Variants in ZNF28 observed in about 807,000 individuals in gnomAD.
The protein encoded by ZNF28 is zinc finger protein KOX24.
In ZNF28, 5 loss-of-function variants were observed where a neutral mutation model predicts 7.2. The observed-to-expected ratio is 0.70, with a 90% CI of 0.36 to 1.46. ZNF28 has a LOEUF of 1.46. Ranked by LOEUF, ZNF28 falls within the 40% of genes most tolerant of loss-of-function variation. The probability of loss-of-function intolerance (pLI) is 0.03; values close to 1 mark genes in which losing one functional copy is unlikely to be tolerated. For missense variants in ZNF28, 879 were observed against 866.6 expected (o/e 1.01, Z -0.18); for synonymous variants, 288 against 292.4 (o/e 0.99, Z 0.15).
chr19:52,810,839 G>T (rs4803001), intron 2 of ZNF28: 94,292 of 147,930 alleles, frequency 0.64, 33,349 homozygotes, highest in Middle Eastern at 0.76. Context: ...TAAAAAAAGA[G>T]TCCCTCTCCC....
In ZNF28 at chr19:52,810,459, A is replaced by G; in HGVS notation, c.16-2326T>C. On this transcript the variant is annotated intron_variant, in intron 2 of 3. Transcript: ENST00000457749. ...GTTTGCATATATAGAGTTCTCAAAG[A>G]GTCAGTGAGGACTTCCTTGGCCTTG... 4 of 1,595,280 alleles carry G rather than the reference A, an allele frequency of 2.5e-6. No individual in the cohort carries two copies. In the Admixed American group the frequency reaches 6.7e-5, roughly 27 times the overall value.
chr19:52,812,170 C>T (rs1340841023), intron 2 of ZNF28, among the ~76,000 whole-genome samples: 30 of 127,968 alleles, frequency 2.3e-4, no homozygotes, highest in Middle Eastern at 4.2e-3. Flanking sequence ...CCCGGCCAGC[C>T]GCCCCATCTG....
At chr19:52,811,762 G>T (rs1365754084) in intron 2 of ZNF28, among the ~76,000 whole-genome samples, 1 of 141,376 alleles carries the variant, frequency 7.1e-6, no homozygotes, top group Admixed American at 6.9e-5. Flanking sequence ...GAGGGAGGTC[G>T]GGGGGGTCAG....
At chr19:52,808,212 G>C in intron 2 of ZNF28, 79 bp from the exon 3 acceptor site, 1 of 1,583,464 alleles carries the variant, frequency 6.3e-7, no homozygotes, top group South Asian at 1.2e-5. Flanking sequence ...GAGGGGGAAA[G>C]CATGGATTTA....
rs188392959 is a variant in ZNF28, at chr19:52,804,520, G to C, written c.143-2818C>G. On this transcript the variant is annotated intron_variant, in intron 3 of 3. Transcript: ENST00000457749. The stretch of plus-strand genomic sequence containing the variant: ...CAAGTAGCTGGGATTACAGGCGCAC[G>C]CCACCATACACAGCTAATTTTTGCA... Among the ~76,000 whole-genome samples, 182 of 152,164 alleles carry C rather than the reference G, an allele frequency of 1.2e-3. 2 individuals carry two copies. The highest frequency in any genetic ancestry group is 4.0e-3 in the African/African-American group (168 of 41,540).
Position 52,801,019 on chromosome 19 carries a change from A to G in ZNF28, c.826T>C (p.Cys276Arg). Reference protein sequence around the residue: ...IDEKPYKCNECGKIFGHNTSL... With the variant: ...IDEKPYKCNERGKIFGHNTSL... The stretch of plus-strand genomic sequence containing the variant: ...GTATTGTGACCAAAGATCTTGCCAC[A>G]CTCATTACACTTGTAAGGTTTCTCA... The change falls in exon 4 of 4, where the codon TGT (cysteine) becomes CGT (arginine). Residue 276 changes from cysteine to arginine, a missense_variant. Coordinates refer to ENST00000457749, the MANE Select transcript of ZNF28 (RefSeq NM_006969.5). 3 of 1,614,136 alleles carry G rather than the reference A, an allele frequency of 1.9e-6. No individual in the cohort carries two copies. The highest frequency in any genetic ancestry group is 2.5e-6 in the Non-Finnish European group (3 of 1,180,024).
intron 3 of ZNF28, 81 bp downstream of exon 3, chr19:52,807,926 A>G (rs916831466): frequency 1.3e-6 from 2 of 1,593,322 alleles, no homozygotes; most frequent in African/African-American, 2.7e-5. Context: ...CATTTTAGTC[A>G]AGTAAGGATG....
At position 52,818,000 on chromosome 19, in the gene ZNF28, C is replaced by T. The variant is rs764749648; in HGVS notation, c.-42G>A. On this transcript the variant is annotated 5_prime_UTR_variant, in exon 2 of 4. Coordinates refer to ENST00000457749, the MANE Select transcript of ZNF28 (RefSeq NM_006969.5). ...TTCCTCTTCCTCTTCTGGGTTTCTT[C>T]CTCACGTACCAAGATTCTTTAGAAG... 28 of 1,609,898 alleles carry T rather than the reference C, an allele frequency of 1.7e-5. No homozygotes were observed. Among genetic ancestry groups the T allele is most frequent in the Middle Eastern group, 1.6e-4 (1 of 6,082 alleles).
At position 52,801,038 on chromosome 19, in the gene ZNF28, T is replaced by C; in HGVS notation, c.807A>G (p.Lys269=). 6.2e-7 allele frequency: 1 copy of C among 1,614,150 alleles called. No individual in the cohort carries two copies. Among genetic ancestry groups the C allele is most frequent in the Non-Finnish European group, 8.5e-7 (1 of 1,180,030 alleles). Reference sequence around the variant, plus strand: ...TGCCACACTCATTACACTTGTAAGGTTTCTCATCAATGTGAGATCTACGAT... The same window carrying C: ...TGCCACACTCATTACACTTGTAAGGCTTCTCATCAATGTGAGATCTACGAT... ...ACHRRSHIDE[K]PYKCNECGKI... Residue 269 remains lysine, a synonymous_variant, in exon 4 of 4, where the codon AAA becomes AAG. Coordinates refer to ENST00000457749, the MANE Select transcript of ZNF28 (RefSeq NM_006969.5).
Position 52,797,449 on chromosome 19 carries a change from A to G in ZNF28, c.*2239T>C, listed in dbSNP as rs1442586346. The G allele has an allele frequency of 1.3e-5, 2 of 152,276 alleles. No homozygotes were observed. Among genetic ancestry groups the G allele is most frequent in the Admixed American group, 1.3e-4 (2 of 15,286 alleles). 9.4% of individuals were successfully genotyped at this position (152,276 alleles called of 1,614,324 possible). A position where few individuals can be genotyped will look rare whatever the true frequency, so the allele number is the denominator to read the frequency against. The stretch of plus-strand genomic sequence containing the variant: ...CAAATTTTATTTGTTTGTAGATGAC[A>G]TGATCTGTGAAGAAAATCACAGTCA... On this transcript the variant is annotated 3_prime_UTR_variant, in exon 4 of 4. Coordinates refer to ENST00000457749, the MANE Select transcript of ZNF28 (RefSeq NM_006969.5).
chr19:52,803,038 G>A lies in ZNF28; in HGVS notation c.143-1336C>T, dbSNP rs563615234. On this transcript the variant is annotated intron_variant, in intron 3 of 3. Transcript: ENST00000457749. ...AGCCTCCCAAAGTGCTGGGATTATA[G>A]GCATGAGCCACCGCACACGGCCGAC... 1.5e-3 allele frequency among the ~76,000 whole-genome samples: 222 copies of A among 151,744 alleles called. 1 individual carries two copies. Among genetic ancestry groups the A allele is most frequent in the African/African-American group, 5.1e-3 (213 of 41,390 alleles).
chr19:52,805,123 A>C (rs1463851646), intron 3 of ZNF28: 2 of 151,862 alleles, frequency 1.3e-5, no homozygotes, highest in Non-Finnish European at 2.9e-5. Context: ...ACAAAAAATT[A>C]GCCCGCGGTG....
Position 52,799,993 on chromosome 19 carries a change from G to A in ZNF28, c.1852C>T (p.Gln618Ter). The A allele has an allele frequency of 6.2e-7, 1 of 1,612,818 alleles. No homozygotes were observed. Among genetic ancestry groups the A allele is most frequent in the Non-Finnish European group, 8.5e-7 (1 of 1,179,530 alleles). The change falls in exon 4 of 4, where the codon CAG (glutamine) becomes TAG (stop). Residue 618 changes from glutamine (Q) to a stop codon, truncating the protein, a stop_gained. Transcript: ENST00000457749. LOFTEE classifies it low-confidence loss of function (END_TRUNC). ...KCNECGKTFR[Q>*]TSSLIIHRRL... ...CGATGGATTATAAGCGATGATGTCT[G>A]ACGGAAGGTCTTGCCACACTCATTA...
rs1028766659 is a variant in ZNF28, at chr19:52,800,259, C to T, written c.1586G>A (p.Gly529Asp). 6.2e-7 allele frequency: 1 copy of T among 1,613,316 alleles called. No individual in the cohort carries two copies. The highest frequency in any genetic ancestry group is 1.3e-5 in the African/African-American group (1 of 74,792). ...GTTTGCTTTTGTACTAAAAACCTTG[C>T]CACATTCATTACACATGTATGGTTT... ...GEKPYMCNEC[G>D]KVFSTKANLA... is the part of the protein sequence containing the mutation. Residue 529 changes from glycine to aspartate, a missense_variant, in exon 4 of 4, where the codon GGC becomes GAC. Physicochemically the swap from Gly to Asp is moderately conservative, Grantham distance 94. This residue lies in a region of ZNF28 where 864 missense variants were observed against 830.2 expected (regional missense o/e 1.04). Transcript: ENST00000457749.
In ZNF28 at chr19:52,800,457, G is replaced by C. The variant is rs539701839; in HGVS notation, c.1388C>G (p.Ala463Gly). ...TTCTTCACATTTGTATGGTTTCTCT[G>C]CAGTATGAAGTCTATGATGGCGTGC... ...TLARHHRLHTAEKPYKCEECD... is the reference protein window; with the variant it reads ...TLARHHRLHTGEKPYKCEECD... The change falls in exon 4 of 4, where the codon GCA (alanine) becomes GGA (glycine). Residue 463 changes from alanine to glycine, a missense_variant. By Grantham distance (60) the Ala-to-Gly change is moderately conservative. Around this residue, in one of 2 missense-constraint regions of ZNF28, gnomAD observed 864 missense variants for 830.2 expected, o/e 1.04. Transcript: ENST00000457749. The C allele has an allele frequency of 6.2e-7, 1 of 1,613,006 alleles. No homozygotes were observed. The highest frequency in any genetic ancestry group is 2.2e-5 in the East Asian group (1 of 44,830).
chr19:52,808,197 CAA>C (rs979623376), intron 2 of ZNF28, 64 bp from the exon 3 acceptor site: 40 of 1,595,262 alleles, frequency 2.5e-5, no homozygotes, highest in Non-Finnish European at 2.9e-5. Flanking sequence ...CAGAAAATGA[CAA>C]GAGAGGGGGA....
intron 2 of ZNF28, among the ~76,000 whole-genome samples, chr19:52,814,748 A>G (rs762492374): frequency 6.9e-6 from 1 of 145,892 alleles, no homozygotes; most frequent in Admixed American, 6.9e-5. Flanking sequence ...TTATCTGGAC[A>G]TGGTGGCACT....
chr19:52,812,541 CT>C (rs1312071808), intron 2 of ZNF28, among the ~76,000 whole-genome samples: 1 of 124,874 alleles, frequency 8.0e-6, no homozygotes, highest in Admixed American at 8.1e-5. Context: ...GCAAGATGTG[CT>C]TTGTTAAACA....
chr19:52,801,303 C>A lies in ZNF28; in HGVS notation c.542G>T (p.Cys181Phe), dbSNP rs753527666. The part of the protein sequence containing the change: ...ASSVSTSQRI[C>F]CRPKTHISNK... ...AGAAATATGGGTTTTGGGCCTACAA[C>A]AAATTCTTTGGGATGTTGAAACTGA... The change falls in exon 4 of 4, where the codon TGT becomes TTT. Residue 181 changes from cysteine (C) to phenylalanine (F), a missense_variant. By Grantham distance (205) the Cys-to-Phe change is radical. Around this residue, in one of 2 missense-constraint regions of ZNF28, gnomAD observed 864 missense variants for 830.2 expected, o/e 1.04. Transcript: ENST00000457749. The A allele has an allele frequency of 6.2e-6, 10 of 1,614,100 alleles. No individual in the cohort carries two copies. The South Asian group carries it at 1.1e-4, about 18-fold the overall frequency.
Sources: gnomAD v4.1 joint callset for allele counts (sites outside exome capture counted in the v4.1 genomes callset) on GRCh38, gnomAD v4.1.1 for gene constraint, gnomAD v4.1.1 regional missense constraint, MANE v1.5 for transcripts, NCBI Gene and HGNC (gene_info 2026-07-23, HGNC 2026-07-21) for gene names.